Variants in MARK1 observed in about 807,000 individuals in gnomAD.
MARK1 encodes microtubule affinity regulating kinase 1, also known as serine/threonine-protein kinase MARK1.
Under a neutral mutation model 96.3 loss-of-function variants are expected in MARK1, and 40 were observed. That is an observed-to-expected ratio of 0.42 (90% CI 0.32 to 0.54). The LOEUF is 0.54. MARK1 is among the 20% of genes least tolerant of loss of function. MARK1 has a pLI of 0.16. For synonymous variants in MARK1, 317 were observed against 341.2 expected (o/e 0.93, Z 0.78); for missense variants, 719 against 984.6 (o/e 0.73, Z 3.61).
chr1:220,638,540 G>T (rs765587703), intron 13 of MARK1, among the ~76,000 whole-genome samples: 40 of 151,900 alleles, frequency 2.6e-4, no homozygotes, highest in Non-Finnish European at 4.4e-4. Flanking sequence ...TTTATAATCT[G>T]TTGTATATTG....
At chr1:220,544,359 G>T (rs886330967) in intron 1 of MARK1, among the ~76,000 whole-genome samples, 2 of 152,200 alleles carry the variant, frequency 1.3e-5, no homozygotes, top group Admixed American at 1.3e-4. Flanking sequence ...GAGCCCTCAC[G>T]AATGGCTTAA....
chr1:220,586,859 GT>G (rs1248402333), intron 3 of MARK1, among the ~76,000 whole-genome samples: 2 of 152,168 alleles, frequency 1.3e-5, no homozygotes, highest in Non-Finnish European at 2.9e-5. Flanking sequence ...AAGCTTGGCA[GT>G]TTGTTGATAT....
At chr1:220,600,212 G>A (rs1311481089) in intron 5 of MARK1, among the ~76,000 whole-genome samples, 4 of 152,060 alleles carry the variant, frequency 2.6e-5, no homozygotes, top group Non-Finnish European at 4.4e-5. Context: ...AGTACAGAAT[G>A]TATTTAATAA....
At chr1:220,634,265 G>C (rs549468759) in intron 11 of MARK1, among the ~76,000 whole-genome samples, 1 of 152,262 alleles carries the variant, frequency 6.6e-6, no homozygotes, top group African/African-American at 2.4e-5. Context: ...AATTTTATAA[G>C]TATATAACCA....
rs544484948 is a variant in MARK1 at position 220,551,472 on chromosome 1, A to C, written c.51+22599A>C. Reference sequence around the variant, plus strand: ...TCCTTGTCAGCTTGGCCATCATTTTAAGTATGAGATTTAGCCACACTTCTC... The same window carrying C: ...TCCTTGTCAGCTTGGCCATCATTTTCAGTATGAGATTTAGCCACACTTCTC... On this transcript the variant is annotated intron_variant, in intron 1 of 17. Transcript: ENST00000366917. 4.6e-5 allele frequency among the ~76,000 whole-genome samples: 7 copies of C among 152,300 alleles called. 1 individual carries two copies. In the South Asian group the frequency reaches 1.5e-3, roughly 32 times the overall value.
At chr1:220,566,193 T>C (rs893192124) in intron 1 of MARK1, among the ~76,000 whole-genome samples, 5 of 152,178 alleles carry the variant, frequency 3.3e-5, no homozygotes, top group African/African-American at 4.8e-5. Context: ...TGACTGCTAT[T>C]ACTATTATTG....
chr1:220,609,876 C>T (rs1333170847), intron 6 of MARK1, among the ~76,000 whole-genome samples: 2 of 152,150 alleles, frequency 1.3e-5, no homozygotes, highest in Middle Eastern at 3.2e-3. Flanking sequence ...TGAATATTGG[C>T]CCCCACTTTC....
chr1:220,590,932 GT>G (rs1664943318), intron 3 of MARK1, among the ~76,000 whole-genome samples: 1 of 152,098 alleles, frequency 6.6e-6, no homozygotes, highest in African/African-American at 2.4e-5. Context: ...GTGTATTGTT[GT>G]TTTATTGGAA....
chr1:220,551,509 T>C (rs1407382173), intron 1 of MARK1, among the ~76,000 whole-genome samples: 1 of 152,174 alleles, frequency 6.6e-6, no homozygotes, highest in Non-Finnish European at 1.5e-5. Flanking sequence ...TAACCATACT[T>C]AAGATAAAGA....
intron 3 of MARK1, among the ~76,000 whole-genome samples, chr1:220,585,511 C>T (rs954504614): frequency 3.3e-5 from 5 of 152,092 alleles, no homozygotes; most frequent in African/African-American, 1.2e-4. Flanking sequence ...CCTTGTTAGC[C>T]CTCTTTAATT....
At chr1:220,611,250 G>C (rs1572172753) in intron 6 of MARK1, among the ~76,000 whole-genome samples, 2 of 152,198 alleles carry the variant, frequency 1.3e-5, no homozygotes, top group Non-Finnish European at 1.5e-5. Context: ...CTTCCTGGCT[G>C]CTTTGTTTAC....
intron 9 of MARK1, chr1:220,625,672 C>T (rs144904823): frequency 3.1e-6 from 1 of 318,514 alleles, no homozygotes; most frequent in Non-Finnish European, 6.3e-6. Flanking sequence ...GTACTCTTCA[C>T]TTACCATTCC....
At chr1:220,534,382 G>T (rs1205297650) in intron 1 of MARK1, among the ~76,000 whole-genome samples, 3 of 151,958 alleles carry the variant, frequency 2.0e-5, no homozygotes, top group African/African-American at 7.2e-5. Context: ...TGAACACGAG[G>T]TCTTTTTCCT....
chr1:220,584,535 T>A (rs1203715787), intron 3 of MARK1, among the ~76,000 whole-genome samples: 1 of 152,214 alleles, frequency 6.6e-6, no homozygotes, highest in East Asian at 1.9e-4. Flanking sequence ...TTATATAAAA[T>A]GTTGTCAAAT....
rs1200323802 is a variant in MARK1, at chr1:220,653,227, G to A, written c.1863G>A (p.Glu621=). 1 of 1,614,224 alleles carries A rather than the reference G, an allele frequency of 6.2e-7. No individual in the cohort carries two copies. Among genetic ancestry groups the A allele is most frequent in the Non-Finnish European group, 8.5e-7 (1 of 1,180,050 alleles). ...CTTTCCATGGTGAACAGCTCCGGGA[G>A]CGACGCAGCGTTGCTTATAATGGGC... The part of the protein sequence containing the change: ...RSTFHGEQLR[E]RRSVAYNGPP... Residue 621 remains glutamate (E), a synonymous_variant, in exon 16 of 18, where the codon GAG becomes GAA. Coordinates refer to ENST00000366917, the MANE Select transcript of MARK1 (RefSeq NM_018650.5).
chr1:220,596,386 A>C (rs1665352506), intron 3 of MARK1, among the ~76,000 whole-genome samples: 1 of 152,228 alleles, frequency 6.6e-6, no homozygotes, highest in Admixed American at 6.5e-5. Context: ...TTTGTCCCAA[A>C]TTTGAAATGA....
chr1:220,614,731 T>C (rs532960580), intron 6 of MARK1, among the ~76,000 whole-genome samples: 1 of 152,254 alleles, frequency 6.6e-6, no homozygotes, highest in East Asian at 1.9e-4. Context: ...ACATAGCAGG[T>C]ACTCAATAAA....
intron 9 of MARK1, among the ~76,000 whole-genome samples, chr1:220,623,905 C>T (rs893477800): frequency 1.3e-5 from 2 of 152,202 alleles, no homozygotes; most frequent in African/African-American, 4.8e-5. Flanking sequence ...CATCCTGCCC[C>T]CTTACAGTTC....
At chr1:220,549,052 G>A (rs1165844765) in intron 1 of MARK1, among the ~76,000 whole-genome samples, 5 of 152,136 alleles carry the variant, frequency 3.3e-5, no homozygotes, top group African/African-American at 9.7e-5. Context: ...CTCCCTGTTC[G>A]CCTCCTCTGT....
Sources: gnomAD v4.1 joint callset for allele counts (sites outside exome capture counted in the v4.1 genomes callset) on GRCh38, gnomAD v4.1.1 for gene constraint, MANE v1.5 for transcripts, NCBI Gene and HGNC (gene_info 2026-07-23, HGNC 2026-07-21) for gene names.